The following LRMDA variants were observed in gnomAD, a reference collection of about 807,000 sequenced individuals.
LRMDA encodes the protein leucine rich melanocyte differentiation associated.
LRMDA carries 18 observed loss-of-function variants against 29.8 expected under a neutral mutation model. The observed-to-expected ratio is 0.60, with a 90% CI of 0.42 to 0.90. The LOEUF is 0.90. Ranked by LOEUF, LRMDA falls within the 40% of genes least tolerant of loss-of-function variation. LRMDA has a pLI of 0.00. For synonymous variants in LRMDA, 125 were observed against 109.4 expected (o/e 1.14, Z -0.89); for missense variants, 273 against 273.9 (o/e 1.00, Z 0.02).
chr10:75,900,265 AC>A (rs1221678127), intron 2 of LRMDA, among the ~76,000 whole-genome samples: 1 of 152,180 alleles, frequency 6.6e-6, no homozygotes, highest in Non-Finnish European at 1.5e-5. Context: ...CCCTCTGAAA[AC>A]CTTGTTTTAA....
intron 2 of LRMDA, among the ~76,000 whole-genome samples, chr10:75,466,551 T>C (rs1339209422): frequency 6.6e-6 from 1 of 152,180 alleles, no homozygotes; most frequent in Non-Finnish European, 1.5e-5. Flanking sequence ...CTCTTTTTCA[T>C]CCACCGAAGC....
At chr10:75,684,547 C>A (rs1842061003) in intron 2 of LRMDA, among the ~76,000 whole-genome samples, 1 of 152,222 alleles carries the variant, frequency 6.6e-6, no homozygotes, top group South Asian at 2.1e-4. Context: ...CTGTGGCCAT[C>A]TGACTCAACC....
chr10:76,040,170 A>G (rs942073884), intron 3 of LRMDA, among the ~76,000 whole-genome samples: 3 of 152,158 alleles, frequency 2.0e-5, no homozygotes, highest in South Asian at 4.1e-4. Context: ...AGCGGCAATC[A>G]TTGTACAAGG....
chr10:75,438,637 A>G (rs933743826), intron 2 of LRMDA, 143 bp downstream of exon 2: 3 of 651,724 alleles, frequency 4.6e-6, no homozygotes, highest in South Asian at 1.9e-5. Context: ...GATGCGTGGA[A>G]TCACACCCCA....
intron 5 of LRMDA, among the ~76,000 whole-genome samples, chr10:76,322,609 C>T (rs1840785038): frequency 6.6e-6 from 1 of 152,170 alleles, no homozygotes; most frequent in African/African-American, 2.4e-5. Flanking sequence ...AGAGATGTTT[C>T]TGAAAAGGTA....
chr10:75,537,054 T>A (rs1360324281), intron 2 of LRMDA, among the ~76,000 whole-genome samples: 1 of 152,178 alleles, frequency 6.6e-6, no homozygotes, highest in Non-Finnish European at 1.5e-5. Context: ...TTTCAGCTAC[T>A]CCCTTGCCTT....
chr10:75,844,249 T>C (rs767835261), intron 2 of LRMDA, among the ~76,000 whole-genome samples: 7 of 152,222 alleles, frequency 4.6e-5, no homozygotes, highest in Non-Finnish European at 8.8e-5. Flanking sequence ...GCCTATGGTA[T>C]GTGGTTTCGT....
intron 5 of LRMDA, among the ~76,000 whole-genome samples, chr10:76,213,759 A>G (rs569234384): frequency 6.6e-6 from 1 of 152,364 alleles, no homozygotes; most frequent in South Asian, 2.1e-4. Context: ...GAGGTTGCCA[A>G]GAAAAAGTTT....
intron 2 of LRMDA, among the ~76,000 whole-genome samples, chr10:75,811,558 A>T (rs549968214): frequency 6.6e-6 from 1 of 152,234 alleles, no homozygotes; most frequent in Non-Finnish European, 1.5e-5. Flanking sequence ...GACTGAGGGC[A>T]CTGAGATCCA....
chr10:75,880,339 A>G (rs1273438671), intron 2 of LRMDA, among the ~76,000 whole-genome samples: 2 of 152,246 alleles, frequency 1.3e-5, no homozygotes, highest in African/African-American at 2.4e-5. Context: ...GTGATATGTT[A>G]TAAGGAGTAC....
chr10:75,859,035 T>C (rs1383640268), intron 2 of LRMDA, among the ~76,000 whole-genome samples: 1 of 152,266 alleles, frequency 6.6e-6, no homozygotes. Flanking sequence ...TTCATGTCAA[T>C]ACATGTAAAT....
At chr10:76,153,361 C>T (rs1850481731) in intron 5 of LRMDA, among the ~76,000 whole-genome samples, 3 of 151,996 alleles carry the variant, frequency 2.0e-5, no homozygotes, top group Admixed American at 2.0e-4. Flanking sequence ...ATGGCTTGTA[C>T]TTTTGGTGTT....
At chr10:75,695,940 A>G (rs7915605) in intron 2 of LRMDA, among the ~76,000 whole-genome samples, 5,747 of 152,250 alleles carry the variant, frequency 0.038, 279 homozygotes, top group African/African-American at 0.11. Context: ...AATAATGGAC[A>G]TATACGTTGA....
At position 75,495,028 on chromosome 10, in the gene LRMDA, A is replaced by T. The variant is rs577418586; in HGVS notation, c.131+56534A>T. On this transcript the variant is annotated intron_variant, in intron 2 of 6. Transcript: ENST00000611255. The stretch of plus-strand genomic sequence containing the variant: ...TTGCCTTTTAAGGAGTCTTTTTAGA[A>T]ATCTTATGTAGCCGTCCAGATGTAA... Among the ~76,000 whole-genome samples, 22 of 152,320 alleles carry T rather than the reference A, an allele frequency of 1.4e-4. No homozygotes were observed. The East Asian group carries it at 4.3e-3, about 29-fold the overall frequency.
At chr10:76,215,090 G>C (rs1898083) in intron 5 of LRMDA, among the ~76,000 whole-genome samples, 23,244 of 152,230 alleles carry the variant, frequency 0.15, 2,485 homozygotes, top group East Asian at 0.52. Flanking sequence ...GAGGAGCACT[G>C]GGTTGAGAAT....
chr10:76,427,631 C>A (rs935582046), intron 6 of LRMDA, among the ~76,000 whole-genome samples: 2 of 152,156 alleles, frequency 1.3e-5, no homozygotes, highest in Non-Finnish European at 2.9e-5. Flanking sequence ...CCAGAACCTC[C>A]AACACTATGT....
intron 6 of LRMDA, among the ~76,000 whole-genome samples, chr10:76,415,690 C>T (rs1285431708): frequency 2.6e-5 from 4 of 152,174 alleles, no homozygotes; most frequent in Non-Finnish European, 5.9e-5. Context: ...ACTATCATCA[C>T]CATATGTGCG....
intron 6 of LRMDA, among the ~76,000 whole-genome samples, chr10:76,347,813 TC>T: frequency 6.6e-6 from 1 of 152,192 alleles, no homozygotes; most frequent in African/African-American, 2.4e-5. Flanking sequence ...AAGAAAAATC[TC>T]TAATAAATAC....
chr10:76,392,432 C>A (rs1304454114), intron 6 of LRMDA, among the ~76,000 whole-genome samples: 2 of 151,938 alleles, frequency 1.3e-5, no homozygotes, highest in Non-Finnish European at 2.9e-5. Flanking sequence ...GATTGAGTAT[C>A]CCTTATCTGA....
Sources: gnomAD v4.1 joint callset for allele counts (sites outside exome capture counted in the v4.1 genomes callset) on GRCh38, gnomAD v4.1.1 for gene constraint, MANE v1.5 for transcripts, NCBI Gene and HGNC (gene_info 2026-07-23, HGNC 2026-07-21) for gene names.